The following GPLD1 variants were observed in gnomAD, a reference collection of about 807,000 sequenced individuals.
GPLD1 encodes phosphatidylinositol-glycan-specific phospholipase D.
Under a neutral mutation model 112.6 loss-of-function variants are expected in GPLD1, and 84 were observed. The observed-to-expected ratio is 0.75, with a 90% CI of 0.63 to 0.89. The LOEUF (loss-of-function observed/expected upper bound fraction) is 0.89. Among genes scored for constraint, GPLD1 ranks in the 40% least tolerant of loss-of-function variants. The pLI, the probability that GPLD1 is intolerant of heterozygous loss-of-function variation, is 0.00. For synonymous variants in GPLD1, 386 were observed against 403.8 expected, an observed-to-expected ratio of 0.96 and a Z score of 0.53; for missense variants, 1,044 against 1,051.5, an observed-to-expected ratio of 0.99 and a Z score of 0.10.
chr6:24,476,557 G>A (rs968908409), intron 3 of GPLD1, among the ~76,000 whole-genome samples: 4 of 152,204 alleles, frequency 2.6e-5, no homozygotes, highest in Admixed American at 2.6e-4. Flanking sequence ...CGGCTACCTG[G>A]TTAGAATAGA....
At position 24,472,638 on chromosome 6, in the gene GPLD1, T is replaced by C; in HGVS notation, c.491-2A>G. The stretch of plus-strand genomic sequence containing the variant: ...CAAACTGGCTCAACACATCTCCTCC[T>C]AGGGTATGAGAAAAATATTGACATT... On this transcript the variant is annotated splice_acceptor_variant, in intron 6 of 24. Coordinates refer to ENST00000230036, the MANE Select transcript of GPLD1 (RefSeq NM_001503.4). LOFTEE classifies it high-confidence loss of function. 6.4e-7 allele frequency: 1 copy of C among 1,567,524 alleles called. No homozygotes were observed. Among genetic ancestry groups the C allele is most frequent in the Non-Finnish European group, 8.8e-7 (1 of 1,137,806 alleles).
At chr6:24,461,884 T>C (rs1451835587) in intron 11 of GPLD1, among the ~76,000 whole-genome samples, 2 of 152,148 alleles carry the variant, frequency 1.3e-5, no homozygotes, top group Non-Finnish European at 2.9e-5. Context: ...TATTTTGTTC[T>C]ATTTTATTAA....
intron 7 of GPLD1, among the ~76,000 whole-genome samples, chr6:24,471,713 A>C (rs1338859147): frequency 2.6e-5 from 4 of 152,184 alleles, no homozygotes; most frequent in African/African-American, 9.7e-5. Context: ...CTCAAGGTAG[A>C]AAGGTTTTCT....
chr6:24,466,573 G>GTT (rs1763623886), intron 10 of GPLD1, 107 bp downstream of exon 10: 1 of 833,072 alleles, frequency 1.2e-6, no homozygotes, highest in East Asian at 2.5e-5. Context: ...TCATGAGATT[G>GTT]TTTTGTTTTG....
chr6:24,475,383 C>T, intron 4 of GPLD1, 152 bp from the exon 5 acceptor site: 1 of 609,386 alleles, frequency 1.6e-6, no homozygotes, highest in South Asian at 2.0e-5. Context: ...TTATTAAAAA[C>T]CACATAAGAG....
rs368759767 is a variant in GPLD1 at position 24,445,212 on chromosome 6, G to A, written c.2020+334C>T. On this transcript the variant is annotated intron_variant, in intron 20 of 24. Coordinates refer to ENST00000230036, the MANE Select transcript of GPLD1 (RefSeq NM_001503.4). ...CTGGCTAATTTTTGTATTTTTAGTAGAGGCAAAGTTTCACCATGTTGCCAG... is the reference window on the plus strand; with the variant it reads ...CTGGCTAATTTTTGTATTTTTAGTAAAGGCAAAGTTTCACCATGTTGCCAG... Among the ~76,000 whole-genome samples, 29 of 152,026 alleles carry A rather than the reference G, an allele frequency of 1.9e-4. No homozygotes were observed. In the East Asian group the frequency reaches 2.1e-3, roughly 11 times the overall value.
chr6:24,462,672 G>A, intron 11 of GPLD1, 58 bp downstream of exon 11: 1 of 1,075,012 alleles, frequency 9.3e-7, no homozygotes, highest in Non-Finnish European at 1.5e-6. Flanking sequence ...AACCTCTATA[G>A]GGCATCTCCT....
chr6:24,460,868 T>C (rs79634866), intron 11 of GPLD1, among the ~76,000 whole-genome samples: 11,594 of 151,662 alleles, frequency 0.076, 830 homozygotes, highest in African/African-American at 0.18. Flanking sequence ...GCCTCCTGAG[T>C]AGCCTGGAAC....
At chr6:24,454,921 G>A (rs986339268) in intron 13 of GPLD1, among the ~76,000 whole-genome samples, 2 of 152,216 alleles carry the variant, frequency 1.3e-5, no homozygotes, top group African/African-American at 4.8e-5. Context: ...CTGAGATCAG[G>A]AGTTCGATAC....
At position 24,479,415 on chromosome 6, in the gene GPLD1, G is replaced by A. The variant is rs530489631; in HGVS notation, c.232+466C>T. On this transcript the variant is annotated intron_variant, in intron 3 of 24. Coordinates refer to ENST00000230036, the MANE Select transcript of GPLD1 (RefSeq NM_001503.4). The stretch of plus-strand genomic sequence containing the variant: ...AACTCTTACAAATAATAGTATCTGC[G>A]ATTTGCATAACACTTGACAAAATAC... Among the ~76,000 whole-genome samples the A allele has an allele frequency of 3.9e-5, 6 of 152,254 alleles. No homozygotes were observed. In the South Asian group the frequency reaches 6.2e-4, roughly 16 times the overall value.
chr6:24,456,016 GA>G (rs1179386358), intron 13 of GPLD1, among the ~76,000 whole-genome samples: 7 of 151,672 alleles, frequency 4.6e-5, no homozygotes, highest in South Asian at 4.2e-4. Context: ...CTCTAGTACA[GA>G]AAAAAAAATT....
intron 20 of GPLD1, among the ~76,000 whole-genome samples, chr6:24,441,353 C>G (rs751504257): frequency 2.1e-4 from 32 of 151,768 alleles, no homozygotes; most frequent in Non-Finnish European, 1.9e-4. Flanking sequence ...TTAGATTAAT[C>G]TGTGCCTTAT....
chr6:24,437,941 A>T (rs566655423), intron 20 of GPLD1, among the ~76,000 whole-genome samples: 1 of 152,154 alleles, frequency 6.6e-6, no homozygotes, highest in African/African-American at 2.4e-5. Flanking sequence ...CCCATACATA[A>T]TAACACCGAG....
At position 24,427,099 on chromosome 6, in the gene GPLD1, C is replaced by T. The variant is rs978247128; in HGVS notation, c.*1933G>A. 6.6e-6 allele frequency among the ~76,000 whole-genome samples: 1 copy of T among 152,218 alleles called. No individual in the cohort carries two copies. Among genetic ancestry groups the T allele is most frequent in the Non-Finnish European group, 1.5e-5 (1 of 68,042 alleles). ...TTCTCCTGCTTTTAGTATCATCTCA[C>T]CCGTGGCAGAAGAAAGAGGTTCTTC... On this transcript the variant is annotated 3_prime_UTR_variant, in exon 25 of 25. Coordinates refer to ENST00000230036, the MANE Select transcript of GPLD1 (RefSeq NM_001503.4).
chr6:24,436,476 A>G (rs1473427840), intron 22 of GPLD1, 100 bp downstream of exon 22: 4 of 983,702 alleles, frequency 4.1e-6, no homozygotes, highest in South Asian at 1.5e-5. Flanking sequence ...CCTAGGAGGT[A>G]TGAATTCAGG....
chr6:24,476,340 C>G (rs1043482707), intron 3 of GPLD1, 62 bp from the exon 4 acceptor site: 1 of 809,848 alleles, frequency 1.2e-6, no homozygotes, highest in African/African-American at 1.7e-5. Flanking sequence ...TCAATCAAAT[C>G]TTCCACACCA....
At chr6:24,474,004 T>TA (rs1763919013) in intron 5 of GPLD1, among the ~76,000 whole-genome samples, 1 of 151,794 alleles carries the variant, frequency 6.6e-6, no homozygotes, top group East Asian at 1.9e-4. Context: ...CGGGTTCTGG[T>TA]AATCCCAGCT....
chr6:24,470,272 T>G (rs1763756924), intron 7 of GPLD1, among the ~76,000 whole-genome samples: 1 of 152,004 alleles, frequency 6.6e-6, no homozygotes, highest in Admixed American at 6.5e-5. Flanking sequence ...CCAGTATAAC[T>G]CCAGTCACAT....
intron 7 of GPLD1, among the ~76,000 whole-genome samples, chr6:24,468,135 A>G (rs1763679395): frequency 6.6e-6 from 1 of 151,712 alleles, no homozygotes; most frequent in South Asian, 2.1e-4. Flanking sequence ...CGAACTCCCA[A>G]CCTCAGGTGA....
Sources: gnomAD v4.1 joint callset for allele counts (sites outside exome capture counted in the v4.1 genomes callset) on GRCh38, gnomAD v4.1.1 for gene constraint, MANE v1.5 for transcripts, NCBI Gene and HGNC (gene_info 2026-07-23, HGNC 2026-07-21) for gene names.